The following PLCXD3 variants were observed in gnomAD, a reference collection of about 807,000 sequenced individuals.
The protein encoded by PLCXD3 is PI-PLC X domain-containing protein 3.
PLCXD3 carries 19 observed loss-of-function variants against 25.5 expected under a neutral mutation model. The ratio of observed to expected loss-of-function variants is 0.75; its 90% CI spans 0.52 to 1.09. The LOEUF (loss-of-function observed/expected upper bound fraction) is 1.09. Ranked by LOEUF, PLCXD3 falls within the 50% of genes least tolerant of loss-of-function variation. The probability of loss-of-function intolerance (pLI) is 0.00; values close to 1 mark genes in which losing one functional copy is unlikely to be tolerated. For synonymous variants in PLCXD3, 174 were observed against 137.6 expected, an observed-to-expected ratio of 1.26 and a Z score of -1.85; for missense variants, 411 against 388.1, an observed-to-expected ratio of 1.06 and a Z score of -0.50.
At chr5:41,454,139 T>G (rs1747698699) in intron 1 of PLCXD3, among the ~76,000 whole-genome samples, 2 of 151,984 alleles carry the variant, frequency 1.3e-5, no homozygotes, top group South Asian at 4.1e-4. Context: ...TTAATGTCCA[T>G]TCACAACCTC....
At chr5:41,344,368 C>T (rs1744245621) in intron 2 of PLCXD3, among the ~76,000 whole-genome samples, 2 of 152,184 alleles carry the variant, frequency 1.3e-5, no homozygotes, top group East Asian at 1.9e-4. Context: ...AAAGGTAGAA[C>T]TTTTCACATT....
intron 2 of PLCXD3, among the ~76,000 whole-genome samples, chr5:41,354,990 G>A (rs1193766611): frequency 6.6e-6 from 1 of 152,066 alleles, no homozygotes; most frequent in Non-Finnish European, 1.5e-5. Context: ...TTCCCCAAAT[G>A]GTATGCTGTC....
intron 1 of PLCXD3, among the ~76,000 whole-genome samples, chr5:41,490,532 C>T (rs1748639283): frequency 6.6e-6 from 1 of 152,132 alleles, no homozygotes; most frequent in Admixed American, 6.5e-5. Flanking sequence ...CCTTGTACCT[C>T]TGGTAGAATT....
rs1374385843 is a variant in PLCXD3, at chr5:41,382,246, A to T, written c.392T>A (p.Phe131Tyr). ...VNEGLEEINA[F>Y]LTDHHKEVVF... Reference sequence around the variant, plus strand: ...TACCTCCTTATGGTGATCTGTGAGGAATGCATTGATCTCCTCAAGGCCTTC... The same window carrying T: ...TACCTCCTTATGGTGATCTGTGAGGTATGCATTGATCTCCTCAAGGCCTTC... The change falls in exon 2 of 3, where the codon TTC becomes TAC. Residue 131 changes from phenylalanine to tyrosine, a missense_variant. By Grantham distance (22) the Phe-to-Tyr change is conservative. Transcript: ENST00000377801. The T allele has an allele frequency of 6.2e-7, 1 of 1,613,628 alleles. No individual in the cohort carries two copies. Among genetic ancestry groups the T allele is most frequent in the African/African-American group, 1.3e-5 (1 of 74,894 alleles).
rs183167404 is a variant in PLCXD3 at position 41,352,416 on chromosome 5, T to C, written c.812+29410A>G. On this transcript the variant is annotated intron_variant, in intron 2 of 2. Coordinates refer to ENST00000377801, the MANE Select transcript of PLCXD3 (RefSeq NM_001005473.3). ...AAAATCACTTTCTTTGTGAGGTTTT[T>C]CTGGAAATCCCTGGGTTCATGAGGG... 6.9e-3 allele frequency among the ~76,000 whole-genome samples: 1,044 copies of C among 152,356 alleles called. 8 individuals are homozygous for C. The highest frequency in any genetic ancestry group is 0.013 in the Non-Finnish European group (872 of 68,032).
intron 1 of PLCXD3, among the ~76,000 whole-genome samples, chr5:41,399,549 C>T (rs1746116220): frequency 6.6e-6 from 1 of 152,080 alleles, no homozygotes; most frequent in African/African-American, 2.4e-5. Flanking sequence ...CACACTCCCA[C>T]ATTAAACTCA....
At chr5:41,347,223 A>G (rs1041333546) in intron 2 of PLCXD3, among the ~76,000 whole-genome samples, 3 of 152,244 alleles carry the variant, frequency 2.0e-5, no homozygotes, top group African/African-American at 7.2e-5. Flanking sequence ...TTGTTTTAAT[A>G]AATTGATATT....
intron 1 of PLCXD3, among the ~76,000 whole-genome samples, chr5:41,484,750 T>C (rs1370723510): frequency 1.3e-5 from 2 of 152,284 alleles, no homozygotes; most frequent in African/African-American, 4.8e-5. Flanking sequence ...TATAATTACA[T>C]TGACATATGA....
chr5:41,443,709 C>G (rs143694558), intron 1 of PLCXD3, among the ~76,000 whole-genome samples: 97 of 152,184 alleles, frequency 6.4e-4, no homozygotes, highest in African/African-American at 2.2e-3. Flanking sequence ...TGAGTCTTTC[C>G]TTTAAGGAAA....
intron 2 of PLCXD3, among the ~76,000 whole-genome samples, chr5:41,362,647 A>C (rs1744819778): frequency 6.6e-6 from 1 of 152,232 alleles, no homozygotes; most frequent in Non-Finnish European, 1.5e-5. Flanking sequence ...CTGTTGTTTA[A>C]AATAACACAA....
intron 1 of PLCXD3, among the ~76,000 whole-genome samples, chr5:41,388,365 C>G (rs902413009): frequency 1.5e-4 from 23 of 151,904 alleles, no homozygotes; most frequent in African/African-American, 5.6e-4. Context: ...ATATATTTAT[C>G]TTAAAATAAT....
intron 2 of PLCXD3, among the ~76,000 whole-genome samples, chr5:41,318,218 C>T (rs1743357525): frequency 6.6e-6 from 1 of 152,152 alleles, no homozygotes; most frequent in South Asian, 2.1e-4. Flanking sequence ...AAGAAAAGGA[C>T]ATTAATGAGC....
intron 1 of PLCXD3, among the ~76,000 whole-genome samples, chr5:41,487,971 G>C (rs961780740): frequency 6.6e-6 from 1 of 151,092 alleles, no homozygotes; most frequent in South Asian, 2.1e-4. Flanking sequence ...CAATGTGCAG[G>C]TTAGTTACAT....
chr5:41,398,597 C>T (rs771620085), intron 1 of PLCXD3, among the ~76,000 whole-genome samples: 11 of 152,048 alleles, frequency 7.2e-5, no homozygotes, highest in African/African-American at 1.4e-4. Flanking sequence ...CAACATGGTA[C>T]GTCATATCAA....
chr5:41,317,672 A>G (rs1236349923), intron 2 of PLCXD3, among the ~76,000 whole-genome samples: 2 of 152,078 alleles, frequency 1.3e-5, no homozygotes, highest in Non-Finnish European at 2.9e-5. Context: ...AGATATTAAA[A>G]TAATTAAAAA....
At chr5:41,481,593 G>A (rs886097767) in intron 1 of PLCXD3, among the ~76,000 whole-genome samples, 1 of 152,248 alleles carries the variant, frequency 6.6e-6, no homozygotes, top group African/African-American at 2.4e-5. Flanking sequence ...GTCAAAAGCA[G>A]AGATGCTGTC....
At position 41,365,910 on chromosome 5, in the gene PLCXD3, C is replaced by CATTT. The variant is rs71608604; in HGVS notation, c.812+15912_812+15915dup. On this transcript the variant is annotated intron_variant, in intron 2 of 2. Transcript: ENST00000377801. ...TTTGTCCTTGTTCTCAATAGGTCAC[C>CATTT]ATTTATTTATTTATTTATTTATTTA... Among the ~76,000 whole-genome samples the CATTT allele has an allele frequency of 9.2e-3, 1,352 of 147,590 alleles. 12 individuals carry two copies. The highest frequency in any genetic ancestry group is 0.026 in the East Asian group (129 of 5,030).
intron 1 of PLCXD3, among the ~76,000 whole-genome samples, chr5:41,454,357 C>A (rs1747704342): frequency 6.6e-6 from 1 of 151,942 alleles, no homozygotes; most frequent in Non-Finnish European, 1.5e-5. Context: ...TGCCTAAGAT[C>A]TAAGTGCTGG....
intron 1 of PLCXD3, among the ~76,000 whole-genome samples, chr5:41,389,113 G>A (rs545798050): frequency 6.6e-6 from 1 of 151,696 alleles, no homozygotes; most frequent in African/African-American, 2.4e-5. Flanking sequence ...TTAGACTGGA[G>A]GAACTAAGTA....
Sources: gnomAD v4.1 joint callset for allele counts (sites outside exome capture counted in the v4.1 genomes callset) on GRCh38, gnomAD v4.1.1 for gene constraint, MANE v1.5 for transcripts, NCBI Gene and HGNC (gene_info 2026-07-23, HGNC 2026-07-21) for gene names.